Variants in ZFAT observed in about 807,000 individuals in gnomAD.
The protein encoded by ZFAT is zinc finger protein ZFAT.
ZFAT carries 64 observed loss-of-function variants against 117.7 expected under a neutral mutation model. The observed-to-expected ratio is 0.54, with a 90% CI of 0.44 to 0.67. The LOEUF (loss-of-function observed/expected upper bound fraction) is 0.67. Ranked by LOEUF, ZFAT falls within the 30% of genes least tolerant of loss-of-function variation. The pLI is 0.00. For synonymous variants in ZFAT, 679 were observed against 615.0 expected (o/e 1.10, Z -1.54); for missense variants, 1,433 against 1,584.5 (o/e 0.90, Z 1.62).
At chr8:134,518,638 TA>T (rs1309773403) in intron 13 of ZFAT, among the ~76,000 whole-genome samples, 9 of 152,042 alleles carry the variant, frequency 5.9e-5, no homozygotes, top group African/African-American at 1.9e-4. Flanking sequence ...ACTATTTTTA[TA>T]GGCCTTTTAT....
chr8:134,736,863 G>A, the ZFAT span, among the ~76,000 whole-genome samples: 3 of 152,162 alleles, frequency 2.0e-5, no homozygotes, highest in African/African-American at 7.2e-5. Context: ...TGGGATTACA[G>A]GCATGAGGCA....
chr8:134,831,239 A>G, the ZFAT span, among the ~76,000 whole-genome samples: 2 of 152,182 alleles, frequency 1.3e-5, no homozygotes, highest in African/African-American at 4.8e-5. Flanking sequence ...AATTTTGTGT[A>G]TATTATTTGT....
intron 1 of ZFAT, among the ~76,000 whole-genome samples, chr8:134,699,088 C>T (rs1356465768): frequency 6.6e-6 from 1 of 152,138 alleles, no homozygotes; most frequent in Non-Finnish European, 1.5e-5. Flanking sequence ...TATATTCCCA[C>T]ATTTCCCTAA....
chr8:134,541,451 C>T (rs559892111), intron 11 of ZFAT, among the ~76,000 whole-genome samples: 1 of 152,272 alleles, frequency 6.6e-6, no homozygotes, highest in East Asian at 1.9e-4. Flanking sequence ...GATGCAGCCC[C>T]TTCACCCTGA....
At chr8:134,590,947 T>C (rs1826459304) in intron 7 of ZFAT, among the ~76,000 whole-genome samples, 1 of 152,160 alleles carries the variant, frequency 6.6e-6, no homozygotes, top group Non-Finnish European at 1.5e-5. Flanking sequence ...TACCTGGCGC[T>C]GCACAGCCTG....
chr8:134,642,357 G>A (rs16905210), intron 2 of ZFAT, among the ~76,000 whole-genome samples: 4,275 of 152,176 alleles, frequency 0.028, 227 homozygotes, highest in African/African-American at 0.098. Flanking sequence ...CTGAGCCTCC[G>A]TTTCCAATGC....
chr8:134,590,455 C>T, intron 7 of ZFAT, 100 bp from the exon 8 acceptor site: 2 of 813,090 alleles, frequency 2.5e-6, no homozygotes, highest in Non-Finnish European at 4.0e-6. Context: ...CCACCACCAC[C>T]ACTACCACTC....
chr8:134,590,733 A>ACAC (rs1273699755), intron 7 of ZFAT, among the ~76,000 whole-genome samples: 4 of 50,708 alleles, frequency 7.9e-5, no homozygotes, highest in African/African-American at 2.7e-4. Context: ...ACCACCACCA[A>ACAC]CACCACCACC....
chr8:134,675,764 C>T (rs1217511466), intron 1 of ZFAT, among the ~76,000 whole-genome samples: 2 of 152,084 alleles, frequency 1.3e-5, no homozygotes, highest in Non-Finnish European at 2.9e-5. Context: ...ACCCTACAAG[C>T]CAGAAGAGAG....
intron 11 of ZFAT, among the ~76,000 whole-genome samples, chr8:134,536,538 A>G (rs559765598): frequency 1.9e-4 from 29 of 152,280 alleles, no homozygotes; most frequent in Admixed American, 1.8e-3. Context: ...TAGGCTCTTC[A>G]AGCAAAACAA....
chr8:134,548,941 C>T (rs1305212978), intron 11 of ZFAT, among the ~76,000 whole-genome samples: 1 of 152,210 alleles, frequency 6.6e-6, no homozygotes, highest in Non-Finnish European at 1.5e-5. Context: ...AAAACAAAAG[C>T]CTGATTGGCT....
chr8:134,568,257 G>C (rs1278398442), intron 10 of ZFAT, among the ~76,000 whole-genome samples: 2 of 152,122 alleles, frequency 1.3e-5, no homozygotes, highest in Non-Finnish European at 2.9e-5. Context: ...AAAGTGTAAG[G>C]AAACTTTTTC....
intron 2 of ZFAT, among the ~76,000 whole-genome samples, chr8:134,655,150 G>A (rs1284213217): frequency 6.6e-6 from 1 of 152,138 alleles, no homozygotes; most frequent in Non-Finnish European, 1.5e-5. Flanking sequence ...AGGGAGGAGA[G>A]GGGCATGGGG....
At chr8:134,762,924 A>G in the ZFAT span, among the ~76,000 whole-genome samples, 1 of 152,188 alleles carries the variant, frequency 6.6e-6, no homozygotes, top group Non-Finnish European at 1.5e-5. Flanking sequence ...GCTCAGGTCA[A>G]CATAGATCCT....
the ZFAT span, among the ~76,000 whole-genome samples, chr8:134,811,904 G>A: frequency 2.8e-3 from 428 of 152,288 alleles, 1 homozygote; most frequent in African/African-American, 9.5e-3. Context: ...AGCACTTCGG[G>A]AGGCTGAGGC....
chr8:134,819,486 C>A, the ZFAT span, among the ~76,000 whole-genome samples: 1 of 117,074 alleles, frequency 8.5e-6, no homozygotes, highest in Non-Finnish European at 1.8e-5. Context: ...TGAGAACTGC[C>A]GGATTTACCA....
intron 11 of ZFAT, among the ~76,000 whole-genome samples, chr8:134,553,068 G>A (rs553566013): frequency 6.6e-6 from 1 of 152,342 alleles, no homozygotes; most frequent in Admixed American, 6.5e-5. Context: ...GCAAGGGCAG[G>A]GCAAGGCCCT....
Position 134,478,305 on chromosome 8 carries a change from G to A in ZFAT, c.*177C>T. The stretch of plus-strand genomic sequence containing the variant: ...GTGAGGGTCCTGTGGTATTGCTGGT[G>A]ATGCTGACTGCCTTGCCCACCCCAA... On this transcript the variant is annotated 3_prime_UTR_variant, in exon 16 of 16. Coordinates refer to ENST00000377838, the MANE Select transcript of ZFAT (RefSeq NM_020863.4). The surrounding 1 kb of genome is among the most constrained non-coding windows in gnomAD (Gnocchi z 5.2). 1.2e-6 allele frequency: 1 copy of A among 817,892 alleles called. No homozygotes were observed. Among genetic ancestry groups the A allele is most frequent in the Admixed American group, 2.9e-5 (1 of 34,992 alleles). The allele number at this position is 817,892 out of a possible 1,614,324, so 50.7% of individuals were successfully genotyped here.
At chr8:134,483,810 C>G (rs1013573551) in intron 15 of ZFAT, among the ~76,000 whole-genome samples, 9 of 152,196 alleles carry the variant, frequency 5.9e-5, no homozygotes, top group African/African-American at 2.2e-4. Flanking sequence ...CTTTGCTGGG[C>G]TCTCTTCGTG....
Sources: allele counts gnomAD v4.1 joint callset (sites outside exome capture counted in the v4.1 genomes callset), GRCh38; gene constraint gnomAD v4.1.1; non-coding constraint Gnocchi (gnomAD v3.1); transcripts MANE v1.5; gene names NCBI Gene and HGNC (gene_info 2026-07-23, HGNC 2026-07-21).